Variants in CACNG3 observed in about 807,000 individuals in gnomAD.
CACNG3 encodes calcium voltage-gated channel auxiliary subunit gamma 3, also known as voltage-dependent calcium channel gamma-3 subunit.
In CACNG3, 3 loss-of-function variants were observed where a neutral mutation model predicts 28.5. The observed-to-expected ratio is 0.11, with a 90% CI of 0.05 to 0.27. The LOEUF (loss-of-function observed/expected upper bound fraction) is 0.27, where lower values mean the gene tolerates loss of function less well. CACNG3 is among the 10% of genes least tolerant of loss of function. The pLI is 1.00. For missense variants in CACNG3, 236 were observed against 414.4 expected (o/e 0.57, Z 3.74); for synonymous variants, 174 against 162.2 (o/e 1.07, Z -0.55).
intron 1 of CACNG3, among the ~76,000 whole-genome samples, chr16:24,297,678 G>T (rs564503775): frequency 6.6e-6 from 1 of 152,324 alleles, no homozygotes; most frequent in African/African-American, 2.4e-5. Context: ...TGCAGCCTCT[G>T]AAACTCAGAC....
chr16:24,340,801 GC>G (rs1237635662), intron 1 of CACNG3, among the ~76,000 whole-genome samples: 2 of 152,128 alleles, frequency 1.3e-5, no homozygotes, highest in African/African-American at 2.4e-5. Flanking sequence ...AATTCTCAGG[GC>G]CCGGCTCTCA....
At chr16:24,296,593 G>A (rs958596627) in intron 1 of CACNG3, among the ~76,000 whole-genome samples, 1 of 152,074 alleles carries the variant, frequency 6.6e-6, no homozygotes, top group Non-Finnish European at 1.5e-5. Flanking sequence ...AGACTCCCCC[G>A]TAATACTTTC....
chr16:24,345,126 T>C (rs578044870), intron 1 of CACNG3, among the ~76,000 whole-genome samples: 13 of 152,304 alleles, frequency 8.5e-5, no homozygotes, highest in Non-Finnish European at 1.6e-4. Context: ...CCTAGAGCTT[T>C]GCAAAAATTA....
chr16:24,277,422 A>G (rs1898766038), intron 1 of CACNG3, among the ~76,000 whole-genome samples: 2 of 152,146 alleles, frequency 1.3e-5, no homozygotes, highest in African/African-American at 2.4e-5. Context: ...GACAGCCCCT[A>G]CAACACAGCA....
chr16:24,272,772 C>T (rs1898707166), intron 1 of CACNG3, among the ~76,000 whole-genome samples: 1 of 152,128 alleles, frequency 6.6e-6, no homozygotes, highest in Non-Finnish European at 1.5e-5. Flanking sequence ...CTTTCTACAT[C>T]AGTAGAGAAG....
chr16:24,330,582 C>T (rs991942286), intron 1 of CACNG3, among the ~76,000 whole-genome samples: 9 of 152,344 alleles, frequency 5.9e-5, no homozygotes, highest in African/African-American at 2.2e-4. Context: ...GCCTCTAATT[C>T]AGGGCATTGT....
chr16:24,272,463 T>C (rs2141347927), intron 1 of CACNG3, among the ~76,000 whole-genome samples: 1 of 152,248 alleles, frequency 6.6e-6, no homozygotes, highest in South Asian at 2.1e-4. Context: ...CTCCACAACT[T>C]TTTAACAATT....
chr16:24,314,526 A>G (rs1386148452), intron 1 of CACNG3, among the ~76,000 whole-genome samples: 1 of 152,190 alleles, frequency 6.6e-6, no homozygotes, highest in Non-Finnish European at 1.5e-5. Flanking sequence ...ATGAATCTGG[A>G]CAGCAGGCTC....
At chr16:24,348,238 A>T (rs917849833) in intron 2 of CACNG3, among the ~76,000 whole-genome samples, 2 of 147,374 alleles carry the variant, frequency 1.4e-5, no homozygotes, top group African/African-American at 5.0e-5. Flanking sequence ...ACTCTACAGA[A>T]TTTTTTTTTT....
intron 1 of CACNG3, among the ~76,000 whole-genome samples, chr16:24,303,792 G>A (rs1421076840): frequency 6.6e-6 from 1 of 152,044 alleles, no homozygotes; most frequent in African/African-American, 2.4e-5. Flanking sequence ...GGTGGTATGT[G>A]CCTGTGGTCC....
At chr16:24,275,003 A>T (rs1898735300) in intron 1 of CACNG3, among the ~76,000 whole-genome samples, 1 of 152,138 alleles carries the variant, frequency 6.6e-6, no homozygotes, top group African/African-American at 2.4e-5. Context: ...AATTCCTAGG[A>T]TAAGAGGGGG....
chr16:24,276,969 G>A (rs1252258403), intron 1 of CACNG3, among the ~76,000 whole-genome samples: 1 of 152,218 alleles, frequency 6.6e-6, no homozygotes, highest in African/African-American at 2.4e-5. Flanking sequence ...GGGTGAGGAT[G>A]GAGAATTTGG....
intron 1 of CACNG3, among the ~76,000 whole-genome samples, chr16:24,275,184 ACTCCAT>A (rs1399153832): frequency 1.5e-5 from 2 of 136,800 alleles, no homozygotes; most frequent in African/African-American, 5.2e-5. Context: ...ATACAGCAAG[ACTCCAT>A]CTCCAAAAAA....
chr16:24,340,387 G>A (rs956927901), intron 1 of CACNG3, among the ~76,000 whole-genome samples: 1 of 152,100 alleles, frequency 6.6e-6, no homozygotes, highest in African/African-American at 2.4e-5. Context: ...AACAGAGCGA[G>A]ACCCCGTCTC....
chr16:24,306,806 C>T (rs1470750512), intron 1 of CACNG3, among the ~76,000 whole-genome samples: 1 of 152,184 alleles, frequency 6.6e-6, no homozygotes, highest in Non-Finnish European at 1.5e-5. Context: ...CTCCTGGCCT[C>T]ACCCCCATTT....
At chr16:24,290,443 T>C (rs1012878728) in intron 1 of CACNG3, among the ~76,000 whole-genome samples, 5 of 152,172 alleles carry the variant, frequency 3.3e-5, no homozygotes, top group African/African-American at 9.7e-5. Context: ...ATATTTGCAG[T>C]GTTTATAACA....
intron 1 of CACNG3, among the ~76,000 whole-genome samples, chr16:24,340,073 CT>C (rs1899763264): frequency 6.6e-6 from 1 of 152,138 alleles, no homozygotes; most frequent in Admixed American, 6.5e-5. Context: ...AGTTCAAGAT[CT>C]GCCTGAGCAA....
At chr16:24,355,896 A>C (rs181023442) in intron 3 of CACNG3, among the ~76,000 whole-genome samples, 49 of 152,290 alleles carry the variant, frequency 3.2e-4, no homozygotes, top group Admixed American at 5.2e-4. Flanking sequence ...CTCTGGGGGA[A>C]GACCTTATAG....
chr16:24,338,241 C>T (rs961481353), intron 1 of CACNG3, among the ~76,000 whole-genome samples: 1 of 152,118 alleles, frequency 6.6e-6, no homozygotes, highest in African/African-American at 2.4e-5. Context: ...GCTCAAGTGT[C>T]CCTTCTGCAA....
Sources: allele counts gnomAD v4.1 joint callset (sites outside exome capture counted in the v4.1 genomes callset), GRCh38; gene constraint gnomAD v4.1.1; transcripts MANE v1.5; gene names NCBI Gene and HGNC (gene_info 2026-07-23, HGNC 2026-07-21).